The following IQCH variants were observed in gnomAD, a reference collection of about 807,000 sequenced individuals.
IQCH encodes the protein IQ motif containing H.
Under a neutral mutation model 117.0 loss-of-function variants are expected in IQCH, and 98 were observed. The observed-to-expected ratio is 0.84, with a 90% confidence interval of 0.71 to 0.99. IQCH has a LOEUF of 0.99. IQCH is among the 50% of genes least tolerant of loss of function. The pLI is 0.00. For missense variants in IQCH, 1,102 were observed against 1,243.8 expected (o/e 0.89, Z 1.72); for synonymous variants, 412 against 448.2 (o/e 0.92, Z 1.02).
At chr15:67,301,492 C>A (rs941366686) in intron 4 of IQCH, among the ~76,000 whole-genome samples, 2 of 142,564 alleles carry the variant, frequency 1.4e-5, no homozygotes, top group Non-Finnish European at 3.0e-5. Flanking sequence ...TCACTGCAAC[C>A]TCCACCTCCT....
intron 15 of IQCH, among the ~76,000 whole-genome samples, chr15:67,418,161 C>G (rs971036631): frequency 6.6e-6 from 1 of 152,102 alleles, no homozygotes; most frequent in African/African-American, 2.4e-5. Flanking sequence ...AAGCTACCTC[C>G]GTGCTGCTCC....
chr15:67,285,345 C>T (rs1347540772), intron 4 of IQCH, among the ~76,000 whole-genome samples: 3 of 151,482 alleles, frequency 2.0e-5, no homozygotes, highest in African/African-American at 7.3e-5. Context: ...CAGATGCATC[C>T]TTTGTCGGTT....
intron 14 of IQCH, among the ~76,000 whole-genome samples, chr15:67,409,501 C>T (rs572991468): frequency 6.6e-6 from 1 of 152,152 alleles, no homozygotes; most frequent in African/African-American, 2.4e-5. Context: ...CTCAGTTGGA[C>T]AAAACGCTTC....
intron 4 of IQCH, among the ~76,000 whole-genome samples, chr15:67,291,988 A>AGT (rs1231086981): frequency 6.6e-6 from 1 of 152,180 alleles, no homozygotes; most frequent in Non-Finnish European, 1.5e-5. Flanking sequence ...CCTAATGCAC[A>AGT]GTGTGATGAC....
chr15:67,419,045 C>T (rs370206663), intron 15 of IQCH, among the ~76,000 whole-genome samples: 3 of 152,136 alleles, frequency 2.0e-5, no homozygotes, highest in African/African-American at 7.2e-5. Context: ...GCTTTCCCAG[C>T]GACTGTCTCA....
At chr15:67,276,787 A>G (rs1056774293) in intron 3 of IQCH, among the ~76,000 whole-genome samples, 1 of 152,070 alleles carries the variant, frequency 6.6e-6, no homozygotes, top group Non-Finnish European at 1.5e-5. Context: ...TATGATATGT[A>G]TAGGTGTAGG....
In IQCH at chr15:67,457,360, G is replaced by A. The variant is rs2082683685; in HGVS notation, c.2506-7767G>A. ...TCTGGAGATTCAGTGATCCAAGTGG[G>A]GAAAAAATATGTCATTTAGTAACTG... On this transcript the variant is annotated intron_variant, in intron 16 of 20. Coordinates refer to ENST00000335894, the MANE Select transcript of IQCH (RefSeq NM_001031715.3). This position sits in a 1 kb window ranked among gnomAD's most constrained non-coding sequence, Gnocchi z 5.7. Among the ~76,000 whole-genome samples, 1 of 152,102 alleles carries A rather than the reference G, an allele frequency of 6.6e-6. No individual in the cohort carries two copies. The highest frequency in any genetic ancestry group is 1.5e-5 in the Non-Finnish European group (1 of 68,018).
In IQCH at chr15:67,427,371, T is replaced by C. The variant is rs777656362; in HGVS notation, c.2505+5794T>C. Among the ~76,000 whole-genome samples the C allele has an allele frequency of 1.1e-4, 16 of 152,078 alleles. No individual in the cohort carries two copies. Among genetic ancestry groups the C allele is most frequent in the Admixed American group, 2.6e-4 (4 of 15,264 alleles). On this transcript the variant is annotated intron_variant, in intron 16 of 20. Coordinates refer to ENST00000335894, the MANE Select transcript of IQCH (RefSeq NM_001031715.3). The surrounding 1 kb of genome is among the most constrained non-coding windows in gnomAD (Gnocchi z 4.7). ...AGTTTCATATAGTCAAATCCAGCTGTTTTTCTTTTTTCTTTTCTTTTTTTT... is the reference window on the plus strand; with the variant it reads ...AGTTTCATATAGTCAAATCCAGCTGCTTTTCTTTTTTCTTTTCTTTTTTTT...
At chr15:67,363,033 C>G (rs910311803) in intron 8 of IQCH, among the ~76,000 whole-genome samples, 3 of 152,202 alleles carry the variant, frequency 2.0e-5, no homozygotes, top group Non-Finnish European at 2.9e-5. Flanking sequence ...TTAAGAGAAT[C>G]AGAGCTCTGC....
chr15:67,485,806 G>A (rs1038435454), intron 18 of IQCH, among the ~76,000 whole-genome samples: 5 of 149,260 alleles, frequency 3.3e-5, no homozygotes, highest in African/African-American at 1.2e-4. Flanking sequence ...CTACAGGCAC[G>A]CGCCACCATG....
intron 16 of IQCH, among the ~76,000 whole-genome samples, chr15:67,452,891 T>C (rs943373266): frequency 3.9e-5 from 6 of 152,236 alleles, no homozygotes; most frequent in Admixed American, 3.9e-4. Context: ...TCTTTTCACA[T>C]AGTCCCATAT....
intron 4 of IQCH, among the ~76,000 whole-genome samples, chr15:67,315,826 A>C (rs1967819039): frequency 6.6e-6 from 1 of 151,806 alleles, no homozygotes; most frequent in Non-Finnish European, 1.5e-5. Flanking sequence ...CTAGTTTAAC[A>C]CTCCCATTTG....
chr15:67,287,150 A>G (rs1966594867), intron 4 of IQCH, among the ~76,000 whole-genome samples: 1 of 152,080 alleles, frequency 6.6e-6, no homozygotes, highest in South Asian at 2.1e-4. Context: ...TATCTTCTTA[A>G]TGTGTTGTTG....
At chr15:67,486,104 C>T (rs1394639815) in intron 18 of IQCH, among the ~76,000 whole-genome samples, 6 of 136,360 alleles carry the variant, frequency 4.4e-5, no homozygotes, top group Non-Finnish European at 7.6e-5. Context: ...GATCTCGGCT[C>T]ACTGCAACCT....
Position 67,376,668 on chromosome 15 carries a change from C to T in IQCH, c.1372+3235C>T, listed in dbSNP as rs1970746376. ...ATTTGGTTATTTATGCAGTTTTGCA[C>T]ACATGGGAATAATTGCATTTTCCAA... On this transcript the variant is annotated intron_variant, in intron 10 of 20. Coordinates refer to ENST00000335894, the MANE Select transcript of IQCH (RefSeq NM_001031715.3). This position sits in a 1 kb window ranked among gnomAD's most constrained non-coding sequence, Gnocchi z 5.0. Among the ~76,000 whole-genome samples the T allele has an allele frequency of 6.6e-6, 1 of 152,186 alleles. No homozygotes were observed. The highest frequency in any genetic ancestry group is 6.5e-5 in the Admixed American group (1 of 15,288).
At position 67,475,613 on chromosome 15, in the gene IQCH, C is replaced by T. The variant is rs2083183550; in HGVS notation, c.2677-83C>T. On this transcript the variant is annotated intron_variant, in intron 17 of 20. Coordinates refer to ENST00000335894, the MANE Select transcript of IQCH (RefSeq NM_001031715.3). This position sits in a 1 kb window ranked among gnomAD's most constrained non-coding sequence, Gnocchi z 5.7. ...ATAGGAACTCTCAGAATTATCTTCG[C>T]AATTTTCCTGTTAATCTCAAGTATT... 1 of 1,279,626 alleles carries T rather than the reference C, an allele frequency of 7.8e-7. No individual in the cohort carries two copies. Among genetic ancestry groups the T allele is most frequent in the South Asian group, 1.4e-5 (1 of 73,054 alleles). The allele number at this position is 1,279,626 out of a possible 1,614,324, so 79.3% of individuals were successfully genotyped here.
intron 8 of IQCH, among the ~76,000 whole-genome samples, chr15:67,368,877 A>G (rs1215603579): frequency 6.6e-6 from 1 of 151,938 alleles, no homozygotes; most frequent in Non-Finnish European, 1.5e-5. Flanking sequence ...TTATTTCTAA[A>G]TTTTATTTAT....
rs1380156637 is a variant in IQCH, at chr15:67,456,863, A to C, written c.2506-8264A>C. Among the ~76,000 whole-genome samples, 1 of 151,914 alleles carries C rather than the reference A, an allele frequency of 6.6e-6. No individual in the cohort carries two copies. Among genetic ancestry groups the C allele is most frequent in the African/African-American group, 2.4e-5 (1 of 41,348 alleles). ...CAGATGGTTTGCAGCCTCTTACCCC[A>C]CCCACTCCAAACACCCCATAGAAGG... On this transcript the variant is annotated intron_variant, in intron 16 of 20. Transcript: ENST00000335894. This position sits in a 1 kb window ranked among gnomAD's most constrained non-coding sequence, Gnocchi z 5.1.
Position 67,271,334 on chromosome 15 carries a change from CA to C in IQCH, c.270-8060del, listed in dbSNP as rs551857330. 4.2e-3 allele frequency among the ~76,000 whole-genome samples: 645 copies of C among 152,258 alleles called. 9 individuals are homozygous for C. Among genetic ancestry groups the C allele is most frequent in the African/African-American group, 0.015 (609 of 41,546 alleles). ...GCTAGGATTTCGTTGAAGATTTTTG[CA>C]TCTATATTTATGAGTGGTATTGGCC... On this transcript the variant is annotated intron_variant, in intron 3 of 20. Coordinates refer to ENST00000335894, the MANE Select transcript of IQCH (RefSeq NM_001031715.3).
Sources: allele counts gnomAD v4.1 joint callset (sites outside exome capture counted in the v4.1 genomes callset), GRCh38; gene constraint gnomAD v4.1.1; non-coding constraint Gnocchi (gnomAD v3.1); transcripts MANE v1.5; gene names NCBI Gene and HGNC (gene_info 2026-07-23, HGNC 2026-07-21).